The following EFCAB5 variants were observed in gnomAD, a reference collection of about 807,000 sequenced individuals.
EFCAB5 encodes EF-hand calcium-binding domain-containing protein 5.
Under a neutral mutation model 167.9 loss-of-function variants are expected in EFCAB5, and 131 were observed. The ratio of observed to expected loss-of-function variants is 0.78; its 90% confidence interval spans 0.68 to 0.90. The LOEUF is 0.90. Ranked by LOEUF, EFCAB5 falls within the 40% of genes least tolerant of loss-of-function variation. The pLI is 0.00. For synonymous variants in EFCAB5, 574 were observed against 602.8 expected (o/e 0.95, Z 0.70); for missense variants, 1,663 against 1,745.2 (o/e 0.95, Z 0.84).
intron 14 of EFCAB5, among the ~76,000 whole-genome samples, chr17:30,070,574 C>T (rs1463535168): frequency 6.6e-6 from 1 of 152,138 alleles, no homozygotes; most frequent in East Asian, 1.9e-4. Context: ...GTACCAAGAA[C>T]ATTCATTGGG....
intron 22 of EFCAB5, among the ~76,000 whole-genome samples, chr17:30,095,832 A>G (rs1040428305): frequency 6.6e-6 from 1 of 152,202 alleles, no homozygotes; most frequent in Admixed American, 6.5e-5. Flanking sequence ...TTTGGATTCA[A>G]TTACAGTTCT....
rs370007973 is a variant in EFCAB5, at chr17:29,952,880, T to C, written c.190+9231T>C. Among the ~76,000 whole-genome samples the C allele has an allele frequency of 3.4e-4, 52 of 152,282 alleles. No homozygotes were observed. The South Asian group carries it at 6.8e-3, about 20-fold the overall frequency. ...TTATACTTGCAGGTCTTTAATATTT[T>C]GTAATAAGTAAGGTTAAAAAAACTG... On this transcript the variant is annotated intron_variant, in intron 3 of 22. Coordinates refer to ENST00000394835, the MANE Select transcript of EFCAB5 (RefSeq NM_198529.4).
At chr17:29,949,040 T>C (rs1428715114) in intron 3 of EFCAB5, among the ~76,000 whole-genome samples, 5 of 152,194 alleles carry the variant, frequency 3.3e-5, no homozygotes, top group Non-Finnish European at 7.3e-5. Context: ...ATCATACAGC[T>C]TAAGTAGCCC....
chr17:29,932,476 A>T (rs1404627419), intron 1 of EFCAB5, among the ~76,000 whole-genome samples: 3 of 54,274 alleles, frequency 5.5e-5, no homozygotes, highest in Non-Finnish European at 7.2e-5. Flanking sequence ...TTTTTTTGAC[A>T]CGGATTTTTG....
chr17:29,995,210 C>T (rs1219551285), intron 5 of EFCAB5, among the ~76,000 whole-genome samples: 1 of 152,134 alleles, frequency 6.6e-6, no homozygotes. Context: ...TGAGCAAGAG[C>T]ATTGTTATGG....
chr17:30,046,997 T>C (rs2069946655), intron 8 of EFCAB5, among the ~76,000 whole-genome samples: 3 of 152,194 alleles, frequency 2.0e-5, no homozygotes, highest in Admixed American at 1.3e-4. Context: ...TGTGTGGGAA[T>C]TGATTATAGT....
intron 4 of EFCAB5, among the ~76,000 whole-genome samples, chr17:29,982,976 G>A (rs920625251): frequency 4.6e-5 from 7 of 152,156 alleles, no homozygotes; most frequent in African/African-American, 1.7e-4. Flanking sequence ...CATTCATATA[G>A]GAAAACTCTT....
At chr17:30,097,963 C>T (rs2071327135) in intron 22 of EFCAB5, among the ~76,000 whole-genome samples, 1 of 151,982 alleles carries the variant, frequency 6.6e-6, no homozygotes, top group Non-Finnish European at 1.5e-5. Context: ...GAGACAGGGC[C>T]CCCCTCTATC....
At chr17:30,045,302 C>CA (rs1411160650) in intron 8 of EFCAB5, among the ~76,000 whole-genome samples, 3 of 151,504 alleles carry the variant, frequency 2.0e-5, no homozygotes, top group Non-Finnish European at 4.4e-5. Context: ...ACTAAAAATA[C>CA]AAAAAATTAG....
chr17:29,965,822 A>C (rs1315251332), intron 3 of EFCAB5, among the ~76,000 whole-genome samples: 1 of 152,108 alleles, frequency 6.6e-6, no homozygotes, highest in African/African-American at 2.4e-5. Flanking sequence ...ACTTCAGTAA[A>C]GTTTTATAGC....
At chr17:29,993,073 C>T in intron 4 of EFCAB5, 92 bp from the exon 5 acceptor site, 1 of 1,286,626 alleles carries the variant, frequency 7.8e-7, no homozygotes, top group Non-Finnish European at 1.0e-6. Flanking sequence ...GACAGGCAAA[C>T]ATTTTCAAAG....
At chr17:30,070,761 C>G (rs989118373) in intron 14 of EFCAB5, among the ~76,000 whole-genome samples, 1 of 151,732 alleles carries the variant, frequency 6.6e-6, no homozygotes, top group Non-Finnish European at 1.5e-5. Flanking sequence ...ACCAGCCTGG[C>G]CAACATGGCA....
intron 22 of EFCAB5, among the ~76,000 whole-genome samples, chr17:30,104,393 A>G (rs1317118821): frequency 2.6e-5 from 4 of 152,220 alleles, no homozygotes; most frequent in Non-Finnish European, 4.4e-5. Context: ...TTTCCAGCAT[A>G]ATGAATTCAC....
intron 4 of EFCAB5, among the ~76,000 whole-genome samples, chr17:29,985,175 T>C (rs1649367576): frequency 6.6e-6 from 1 of 152,332 alleles, no homozygotes; most frequent in East Asian, 1.9e-4. Context: ...AGCACAGTTT[T>C]TCCCCCATTC....
chr17:29,962,295 A>G (rs575764941), intron 3 of EFCAB5, among the ~76,000 whole-genome samples: 8 of 152,298 alleles, frequency 5.3e-5, no homozygotes, highest in African/African-American at 1.7e-4. Context: ...TTAACAATGT[A>G]AAGTATTCCT....
At chr17:29,991,020 G>A (rs1266599020) in intron 4 of EFCAB5, among the ~76,000 whole-genome samples, 3 of 152,052 alleles carry the variant, frequency 2.0e-5, no homozygotes, top group African/African-American at 7.2e-5. Context: ...TCACCTCTTC[G>A]GTTACTTCAT....
chr17:30,004,139 G>C lies in EFCAB5; in HGVS notation c.1044+4163G>C, dbSNP rs9900066. Among the ~76,000 whole-genome samples the C allele has an allele frequency of 6.3e-3, 963 of 152,290 alleles. 5 individuals carry two copies. Among genetic ancestry groups the C allele is most frequent in the African/African-American group, 0.022 (924 of 41,568 alleles). ...CCCCTCTCATAAGGCGTGAATTATT[G>C]GTGGCTCTGCCCCATTCTCCCAATG... is the stretch of plus-strand genomic sequence containing the variant. On this transcript the variant is annotated intron_variant, in intron 7 of 22. Transcript: ENST00000394835.
At chr17:30,008,601 A>AT (rs1412580551) in intron 7 of EFCAB5, among the ~76,000 whole-genome samples, 1 of 151,034 alleles carries the variant, frequency 6.6e-6, no homozygotes, top group Admixed American at 6.6e-5. Context: ...AAAAAAAAAA[A>AT]TTTTTTTATA....
intron 8 of EFCAB5, among the ~76,000 whole-genome samples, chr17:30,046,712 G>A (rs1406903439): frequency 2.0e-5 from 3 of 152,182 alleles, no homozygotes; most frequent in Non-Finnish European, 4.4e-5. Context: ...CTTGGCAGGA[G>A]AAGCAACCCC....
Sources: gnomAD v4.1 joint callset for allele counts (sites outside exome capture counted in the v4.1 genomes callset) on GRCh38, gnomAD v4.1.1 for gene constraint, MANE v1.5 for transcripts, NCBI Gene and HGNC (gene_info 2026-07-23, HGNC 2026-07-21) for gene names.